The following POLE variants were observed in gnomAD, a reference collection of about 807,000 sequenced individuals.
POLE encodes the protein DNA polymerase epsilon catalytic subunit A.
A neutral mutation model predicts 279.2 loss-of-function variants in POLE; 188 were observed. The ratio of observed to expected loss-of-function variants is 0.67; its 90% CI spans 0.60 to 0.76. The LOEUF is 0.76. Ranked by LOEUF, POLE falls within the 30% of genes least tolerant of loss-of-function variation. POLE has a pLI of 0.00. For missense variants in POLE, 2,703 were observed against 3,016.7 expected (o/e 0.90, Z 2.44); for synonymous variants, 1,214 against 1,172.5 (o/e 1.04, Z -0.72).
At chr12:132,680,091 T>C (rs902891592) in intron 4 of POLE, 45 bp from the exon 5 acceptor site, 2 of 1,595,392 alleles carry the variant, frequency 1.3e-6, no homozygotes, top group African/African-American at 2.7e-5. Context: ...GTAAAATACA[T>C]TTCCTTCCTT....
At position 132,639,022 on chromosome 12, in the gene POLE, A is replaced by G; in HGVS notation, c.5552+103T>C. On this transcript the variant is annotated intron_variant, in intron 40 of 48. Coordinates refer to ENST00000320574, the MANE Select transcript of POLE (RefSeq NM_006231.4). This position sits in a 1 kb window ranked among gnomAD's most constrained non-coding sequence, Gnocchi z 4.7. ...TGCTCCACAAACTCAGAAATACACTACTTATCCCAGAGGCACTGGCTGGCC... is the reference window on the plus strand; with the variant it reads ...TGCTCCACAAACTCAGAAATACACTGCTTATCCCAGAGGCACTGGCTGGCC... 1 of 959,316 alleles carries G rather than the reference A, an allele frequency of 1.0e-6. No homozygotes were observed. Among genetic ancestry groups the G allele is most frequent in the Non-Finnish European group, 1.6e-6 (1 of 608,372 alleles). The allele number at this position is 959,316 out of a possible 1,614,324, so 59.4% of individuals were successfully genotyped here. A position where few individuals can be genotyped will look rare whatever the true frequency, so the allele number is the denominator to read the frequency against.
rs182773368 is a variant in POLE, at chr12:132,626,450, G to A, written c.6331-133C>T. On this transcript the variant is annotated intron_variant, in intron 45 of 48. Coordinates refer to ENST00000320574, the MANE Select transcript of POLE (RefSeq NM_006231.4). ...CCTCCCTTCCTTAGTCCCTTTAGAC[G>A]CCTCAGCTGACTTCTCTACATTAGC... is the stretch of plus-strand genomic sequence containing the variant. 1.2e-5 allele frequency: 9 copies of A among 766,070 alleles called. No homozygotes were observed. The Admixed American group carries it at 2.0e-4, about 17-fold the overall frequency. The allele number at this position is 766,070 out of a possible 1,614,324, so 47.5% of individuals were successfully genotyped here.
rs773192012 is a variant in POLE, at chr12:132,632,309, TCTC to T, written c.6330+3_6330+5del. The T allele has an allele frequency of 1.9e-6, 3 of 1,611,298 alleles. No individual in the cohort carries two copies. Among genetic ancestry groups the T allele is most frequent in the East Asian group, 4.5e-5 (2 of 44,842 alleles). ...CCTCTCCTCACACGCACGCTGGCAC[TCTC>T]ACCTTGCACACGTATTTGATGAACT... On this transcript the variant is annotated splice_donor_5th_base_variant and intron_variant, in intron 45 of 48. Transcript: ENST00000320574.
intron 41 of POLE, among the ~76,000 whole-genome samples, chr12:132,637,406 T>C (rs2042055567): frequency 6.6e-6 from 1 of 152,206 alleles, no homozygotes; most frequent in African/African-American, 2.4e-5. Flanking sequence ...TGAGCGCACC[T>C]AGGAGGGAGC....
At chr12:132,638,218 G>T in intron 40 of POLE, 79 bp from the exon 41 acceptor site, 2 of 1,401,726 alleles carry the variant, frequency 1.4e-6, no homozygotes, top group African/African-American at 1.5e-5. Flanking sequence ...ATCCAAGAGG[G>T]AAAAGAGCTG....
rs2041799787 is a variant in POLE at position 132,624,897 on chromosome 12, G to C, written c.6747+8C>G. On this transcript the variant is annotated splice_region_variant and intron_variant, in intron 48 of 48. Coordinates refer to ENST00000320574, the MANE Select transcript of POLE (RefSeq NM_006231.4). The stretch of plus-strand genomic sequence containing the variant: ...AGGCTGAGCCGAGGCAGATGAGGGA[G>C]AGCCCACCTGGGTGTGGATGGTGAG... The C allele has an allele frequency of 3.1e-6, 5 of 1,611,016 alleles. No individual in the cohort carries two copies. The South Asian group carries it at 3.3e-5, about 11-fold the overall frequency.
chr12:132,672,268 C>G lies in POLE; in HGVS notation c.1741G>C (p.Ala581Pro). 6.2e-7 allele frequency: 1 copy of G among 1,614,194 alleles called. No individual in the cohort carries two copies. The highest frequency in any genetic ancestry group is 8.5e-7 in the Non-Finnish European group (1 of 1,180,022). ...LQRVEKTLRHALEEEEKVPVE... is the reference protein window; with the variant it reads ...LQRVEKTLRHPLEEEEKVPVE... Reference sequence around the variant, plus strand: ...GGCACTTTCTCCTCTTCCTCAAGGGCGTGGCGCAAGGTCTTCTCAACCCGC... The same window carrying G: ...GGCACTTTCTCCTCTTCCTCAAGGGGGTGGCGCAAGGTCTTCTCAACCCGC... Residue 581 changes from alanine to proline, a missense_variant, in exon 16 of 49, where the codon GCC (alanine) becomes CCC (proline). By Grantham distance (27) the Ala-to-Pro change is conservative (BLOSUM62 -1). This residue lies in a region of POLE where 1,011 missense variants were observed against 1,111.7 expected (regional missense o/e 0.91). Coordinates refer to ENST00000320574, the MANE Select transcript of POLE (RefSeq NM_006231.4).
chr12:132,635,418 C>T (rs577151286), intron 42 of POLE, among the ~76,000 whole-genome samples: 2 of 152,356 alleles, frequency 1.3e-5, no homozygotes, highest in East Asian at 1.9e-4. Context: ...GGGTTATCCA[C>T]ATGGGGCCAA....
chr12:132,672,804 G>C lies in POLE; in HGVS notation c.1509C>G (p.Ala503=). Residue 503 remains alanine (A), a synonymous_variant, in exon 15 of 49, where the codon GCC becomes GCG. Coordinates refer to ENST00000320574, the MANE Select transcript of POLE (RefSeq NM_006231.4). ...LRKGSGTLCE[A]LLMVQAFHAN... is the part of the protein sequence containing the mutation. ...CGTGGAAGGCCTGCACCATCAGCAA[G>C]GCCTCACACAGAGTGCCAGAGCCCT... 1 of 1,614,188 alleles carries C rather than the reference G, an allele frequency of 6.2e-7. No individual in the cohort carries two copies. Among genetic ancestry groups the C allele is most frequent in the South Asian group, 1.1e-5 (1 of 91,084 alleles).
chr12:132,653,715 G>T (rs2042472829), intron 29 of POLE, among the ~76,000 whole-genome samples: 1 of 152,188 alleles, frequency 6.6e-6, no homozygotes, highest in Non-Finnish European at 1.5e-5. Flanking sequence ...TTGAACAGAA[G>T]CAGTGGTTAA....
intron 39 of POLE, among the ~76,000 whole-genome samples, chr12:132,640,682 C>A (rs936350772): frequency 6.6e-6 from 1 of 152,258 alleles, no homozygotes; most frequent in Admixed American, 6.5e-5. Context: ...GGGTCAAGAA[C>A]AGAATGTTAC....
chr12:132,672,815 G>C lies in POLE; in HGVS notation c.1498C>G (p.Leu500Val). Reference protein sequence around the residue: ...DEVLRKGSGTLCEALLMVQAF... With the variant: ...DEVLRKGSGTVCEALLMVQAF... ...TGCACCATCAGCAAGGCCTCACACAGAGTGCCAGAGCCCTTCCGCAGCACC... is the reference window on the plus strand; with the variant it reads ...TGCACCATCAGCAAGGCCTCACACACAGTGCCAGAGCCCTTCCGCAGCACC... The change falls in exon 15 of 49, where the codon CTG (leucine) becomes GTG (valine). Residue 500 changes from leucine to valine, a missense_variant. By Grantham distance (32) the Leu-to-Val change is conservative. Around this residue, in one of 5 missense-constraint regions of POLE, gnomAD observed 1,011 missense variants for 1,111.7 expected, o/e 0.91. Coordinates refer to ENST00000320574, the MANE Select transcript of POLE (RefSeq NM_006231.4). 6.2e-7 allele frequency: 1 copy of C among 1,614,162 alleles called. No individual in the cohort carries two copies. The highest frequency in any genetic ancestry group is 2.2e-5 in the East Asian group (1 of 44,892).
chr12:132,658,110 T>C, intron 26 of POLE, 140 bp from the exon 27 acceptor site: 1 of 624,542 alleles, frequency 1.6e-6, no homozygotes. Flanking sequence ...TGCGTGCATA[T>C]GTATGCACAA....
intron 23 of POLE, among the ~76,000 whole-genome samples, chr12:132,663,305 G>A (rs928590716): frequency 1.3e-5 from 2 of 152,232 alleles, no homozygotes; most frequent in Non-Finnish European, 2.9e-5. Flanking sequence ...AAGCCCCTCA[G>A]GCAGGAGACT....
At chr12:132,635,403 A>G (rs1269251645) in intron 42 of POLE, among the ~76,000 whole-genome samples, 1 of 152,118 alleles carries the variant, frequency 6.6e-6, no homozygotes, top group Non-Finnish European at 1.5e-5. Flanking sequence ...GTGCCCTCCA[A>G]TGGTGGGTTA....
intron 7 of POLE, 62 bp downstream of exon 7, chr12:132,677,516 A>G: frequency 6.2e-7 from 1 of 1,611,630 alleles, no homozygotes; most frequent in South Asian, 1.1e-5. Context: ...TTCACCCATA[A>G]TGATCATCTC....
chr12:132,647,648 G>A (rs2042316223), intron 32 of POLE, among the ~76,000 whole-genome samples: 1 of 152,044 alleles, frequency 6.6e-6, no homozygotes, highest in Non-Finnish European at 1.5e-5. Flanking sequence ...AAACGTTGAG[G>A]ACAGAATATT....
At chr12:132,629,407 C>T (rs1311629723) in intron 45 of POLE, among the ~76,000 whole-genome samples, 2 of 152,254 alleles carry the variant, frequency 1.3e-5, no homozygotes, top group African/African-American at 4.8e-5. Context: ...GTTTTGTCTA[C>T]ACGGAAAATA....
rs2042747466 is a variant in POLE at position 132,664,449 on chromosome 12, A to G, written c.2482T>C (p.Ser828Pro). 1 of 1,613,868 alleles carries G rather than the reference A, an allele frequency of 6.2e-7. No homozygotes were observed. The highest frequency in any genetic ancestry group is 1.3e-5 in the African/African-American group (1 of 74,934). ...CAGACGATGCCAGCCATCTCCATGG[A>G]GTACCAGCGAGCCCTGAGAGGACAC... ...YVMRKGARWYSMEMAGIVCFT... is the reference protein window; with the variant it reads ...YVMRKGARWYPMEMAGIVCFT... The change falls in exon 22 of 49, where the codon TCC becomes CCC. Residue 828 changes from serine to proline, a missense_variant. Physicochemically the swap from Ser to Pro is moderately conservative, Grantham distance 74. Around this residue, in one of 5 missense-constraint regions of POLE, gnomAD observed 1,011 missense variants for 1,111.7 expected, o/e 0.91. Transcript: ENST00000320574. The surrounding 1 kb of genome is among the most constrained non-coding windows in gnomAD (Gnocchi z 5.3).
Sources: gnomAD v4.1 joint callset for allele counts (sites outside exome capture counted in the v4.1 genomes callset) on GRCh38, gnomAD v4.1.1 for gene constraint, gnomAD v4.1.1 regional missense constraint, Gnocchi (gnomAD v3.1) non-coding constraint, MANE v1.5 for transcripts, NCBI Gene and HGNC (gene_info 2026-07-23, HGNC 2026-07-21) for gene names.